The following PCDHA7 variants were observed in gnomAD, a reference collection of about 807,000 sequenced individuals.
The protein encoded by PCDHA7 is protocadherin alpha-7.
In PCDHA7, 37 loss-of-function variants were observed where a neutral mutation model predicts 57.2. That is an observed-to-expected ratio of 0.65 (90% CI 0.50 to 0.85). PCDHA7 has a LOEUF of 0.85. PCDHA7 is among the 40% of genes least tolerant of loss of function. The probability of loss-of-function intolerance (pLI) is 0.00; values close to 1 mark genes in which losing one functional copy is unlikely to be tolerated. For missense variants in PCDHA7, 1,188 were observed against 1,241.8 expected (o/e 0.96, Z 0.65); for synonymous variants, 553 against 558.8 (o/e 0.99, Z 0.15).
chr5:140,912,993 T>C (rs186652657), intron 1 of PCDHA7, among the ~76,000 whole-genome samples: 1 of 152,294 alleles, frequency 6.6e-6, no homozygotes, highest in Non-Finnish European at 1.5e-5. Flanking sequence ...TTCAGTTTGC[T>C]AGTATTTTGT....
chr5:140,971,420 TGAA>T (rs782149033), intron 1 of PCDHA7, among the ~76,000 whole-genome samples: 3 of 152,112 alleles, frequency 2.0e-5, no homozygotes, highest in Non-Finnish European at 4.4e-5. Flanking sequence ...GGAAATCCAG[TGAA>T]GAACCCCAAG....
chr5:140,868,027 G>T (rs2050246308), intron 1 of PCDHA7: 1 of 151,988 alleles, frequency 6.6e-6, no homozygotes, highest in African/African-American at 2.4e-5. Context: ...AACCAATGTT[G>T]GTGACTTGGA....
intron 1 of PCDHA7, chr5:140,848,382 A>G (rs1781481675): frequency 8.4e-7 from 1 of 1,188,868 alleles, no homozygotes; most frequent in Non-Finnish European, 1.2e-6. Context: ...ATTCTTTTTC[A>G]CTCTCTCTGT....
chr5:140,844,775 A>G (rs959672555), intron 1 of PCDHA7, among the ~76,000 whole-genome samples: 1 of 149,266 alleles, frequency 6.7e-6, no homozygotes, highest in Non-Finnish European at 1.5e-5. Flanking sequence ...AAGATACTTT[A>G]TTTTGGTATC....
At chr5:140,877,633 C>A (rs1366996546) in intron 1 of PCDHA7, 7 of 1,613,622 alleles carry the variant, frequency 4.3e-6, no homozygotes, top group Non-Finnish European at 5.1e-6. Context: ...GTACACTGCG[C>A]TGCGTTGCTC....
rs2150513075 is a variant in PCDHA7, at chr5:140,852,180, T to C, written c.2355+15442T>C. The C allele has an allele frequency of 3.0e-5, 23 of 771,014 alleles. 2 individuals carry two copies. The highest frequency in any genetic ancestry group is 3.4e-5 in the Non-Finnish European group (21 of 620,092). The allele number at this position is 771,014 out of a possible 1,614,324, so 47.8% of individuals were successfully genotyped here. On this transcript the variant is annotated intron_variant, in intron 1 of 3. Coordinates refer to ENST00000525929, the MANE Select transcript of PCDHA7 (RefSeq NM_018910.3). ...GAGAATAGAGCCACAAAAATAACTATGAAAATGCCAGTAACGTTTATTTAA... is the reference window on the plus strand; with the variant it reads ...GAGAATAGAGCCACAAAAATAACTACGAAAATGCCAGTAACGTTTATTTAA...
intron 1 of PCDHA7, among the ~76,000 whole-genome samples, chr5:140,939,231 G>A (rs1305244022): frequency 6.6e-6 from 1 of 152,134 alleles, no homozygotes; most frequent in East Asian, 1.9e-4. Context: ...TCACCTTCTG[G>A]AAGGAGCAAG....
In PCDHA7 at chr5:140,848,642, G is replaced by T. The variant is rs148369101; in HGVS notation, c.2355+11904G>T. On this transcript the variant is annotated intron_variant, in intron 1 of 3. Coordinates refer to ENST00000525929, the MANE Select transcript of PCDHA7 (RefSeq NM_018910.3). ...ACGGCACCTTCGTGGGCCGCATCGC[G>T]CAGGACCTGGGGCTGGAGCTGGCGG... 1.4e-5 allele frequency: 23 copies of T among 1,593,086 alleles called. 1 individual carries two copies. Among genetic ancestry groups the T allele is most frequent in the Admixed American group, 5.1e-5 (3 of 59,214 alleles).
At chr5:140,941,648 T>C (rs975692197) in intron 1 of PCDHA7, among the ~76,000 whole-genome samples, 1 of 152,074 alleles carries the variant, frequency 6.6e-6, no homozygotes, top group Non-Finnish European at 1.5e-5. Context: ...TTCCTACAAC[T>C]TATGTCCAAT....
chr5:140,928,082 T>G, intron 1 of PCDHA7: 1 of 1,614,212 alleles, frequency 6.2e-7, no homozygotes, highest in Non-Finnish European at 8.5e-7. Context: ...TACTACAGCC[T>G]GCTGATTGAT....
rs1215041869 is a variant in PCDHA7, at chr5:141,010,411, G to T, written c.*474G>T. ...TGAGACGAGCCAGCTTAGACTAATT[G>T]GTACAAGGAAGGCAAGAAAACAAAG... On this transcript the variant is annotated 3_prime_UTR_variant, in exon 4 of 4. Transcript: ENST00000525929. 4.1e-6 allele frequency: 5 copies of T among 1,224,236 alleles called. No individual in the cohort carries two copies. The highest frequency in any genetic ancestry group is 4.4e-6 in the Non-Finnish European group (4 of 905,798). The allele number at this position is 1,224,236 out of a possible 1,614,324, so 75.8% of individuals were successfully genotyped here. A position where few individuals can be genotyped will look rare whatever the true frequency, so the allele number is the denominator to read the frequency against.
chr5:140,883,065 C>T, intron 1 of PCDHA7: 1 of 1,614,056 alleles, frequency 6.2e-7, no homozygotes, highest in Non-Finnish European at 8.5e-7. Flanking sequence ...AAGCTAAATG[C>T]CACAGATCCT....
intron 1 of PCDHA7, chr5:140,856,268 C>T: frequency 1.3e-6 from 2 of 1,598,206 alleles, no homozygotes; most frequent in Admixed American, 1.7e-5. Context: ...CGGGGACCTT[C>T]TGGAGGTAAA....
intron 3 of PCDHA7, among the ~76,000 whole-genome samples, chr5:140,982,814 A>G (rs1166333981): frequency 6.6e-6 from 1 of 151,580 alleles, no homozygotes; most frequent in Non-Finnish European, 1.5e-5. Context: ...TGTGTGTATG[A>G]AGTTTTTGGG....
chr5:140,884,935 A>G lies in PCDHA7; in HGVS notation c.2355+48197A>G, dbSNP rs577267570. ...AATAGTTCTAAGTATTTATCTTGCA[A>G]TTGAGCATTTACAAAAAATTCCTCA... On this transcript the variant is annotated intron_variant, in intron 1 of 3. Coordinates refer to ENST00000525929, the MANE Select transcript of PCDHA7 (RefSeq NM_018910.3). Among the ~76,000 whole-genome samples, 4 of 152,344 alleles carry G rather than the reference A, an allele frequency of 2.6e-5. No homozygotes were observed. In the East Asian group the frequency reaches 5.8e-4, roughly 22 times the overall value.
At chr5:141,001,971 G>C (rs1240624295) in intron 3 of PCDHA7, among the ~76,000 whole-genome samples, 2 of 152,186 alleles carry the variant, frequency 1.3e-5, no homozygotes, top group Admixed American at 1.3e-4. Flanking sequence ...GGGTGTCTCT[G>C]CGCGGAAAGC....
intron 1 of PCDHA7, chr5:140,867,978 C>T (rs1283630691): frequency 6.6e-6 from 1 of 152,064 alleles, no homozygotes; most frequent in East Asian, 1.9e-4. Flanking sequence ...CAACAAGAAA[C>T]AAACTATTTT....
intron 1 of PCDHA7, chr5:140,929,246 C>A: frequency 6.2e-7 from 1 of 1,613,738 alleles, no homozygotes; most frequent in Non-Finnish European, 8.5e-7. Flanking sequence ...AATCTTGCCA[C>A]TGGGGTAGGA....
rs2150244519 is a variant in PCDHA7, at chr5:140,835,777, A to G, written c.1394A>G (p.Lys465Arg). Reference sequence around the variant, plus strand: ...CAGCCCGAGTATACGGTGTTCGTGAAGGAGAACAACCCGCCGGGCTGCCAC... The same window carrying G: ...CAGCCCGAGTATACGGTGTTCGTGAGGGAGAACAACCCGCCGGGCTGCCAC... Reference protein sequence around the residue: ...FAQPEYTVFVKENNPPGCHIF... With the variant: ...FAQPEYTVFVRENNPPGCHIF... The change falls in exon 1 of 4, where the codon AAG becomes AGG. Residue 465 changes from lysine (K) to arginine (R), a missense_variant. By Grantham distance (26) the Lys-to-Arg change is conservative. Around this residue, in one of 3 missense-constraint regions of PCDHA7, gnomAD observed 892 missense variants for 788.5 expected, o/e 1.13. Coordinates refer to ENST00000525929, the MANE Select transcript of PCDHA7 (RefSeq NM_018910.3). 1 of 1,613,276 alleles carries G rather than the reference A, an allele frequency of 6.2e-7. No homozygotes were observed. Among genetic ancestry groups the G allele is most frequent in the Admixed American group, 1.7e-5 (1 of 60,020 alleles).
Sources: allele counts gnomAD v4.1 joint callset (sites outside exome capture counted in the v4.1 genomes callset), GRCh38; gene constraint gnomAD v4.1.1; regional missense constraint gnomAD v4.1.1; transcripts MANE v1.5; gene names NCBI Gene and HGNC (gene_info 2026-07-23, HGNC 2026-07-21).